ANGPT1: variants seen among roughly 807,000 people sequenced by gnomAD.
ANGPT1 encodes the protein angiopoietin 1, also known as angiopoietin-1.
In ANGPT1, 17 loss-of-function variants were observed where a neutral mutation model predicts 62.2. The observed-to-expected ratio is 0.27, with a 90% CI of 0.19 to 0.41. The LOEUF (loss-of-function observed/expected upper bound fraction) is 0.41. Among genes scored for constraint, ANGPT1 ranks in the 10% least tolerant of loss-of-function variants. The probability of loss-of-function intolerance (pLI) is 1.00; values close to 1 mark genes in which losing one functional copy is unlikely to be tolerated. For synonymous variants in ANGPT1, 199 were observed against 198.9 expected (o/e 1.00, Z 0.00); for missense variants, 478 against 594.9 (o/e 0.80, Z 2.04).
chr8:107,345,686 A>T (rs1479510405), intron 2 of ANGPT1, among the ~76,000 whole-genome samples: 1 of 152,194 alleles, frequency 6.6e-6, no homozygotes, highest in Non-Finnish European at 1.5e-5. Context: ...CATTATTTAT[A>T]CCACAAGAAA....
At chr8:107,270,839 T>C (rs1165824420) in intron 7 of ANGPT1, among the ~76,000 whole-genome samples, 1 of 151,876 alleles carries the variant, frequency 6.6e-6, no homozygotes, top group Non-Finnish European at 1.5e-5. Context: ...AGAAAAGAAA[T>C]GTTTGAAAGA....
At chr8:107,291,905 G>T (rs1454126019) in intron 6 of ANGPT1, among the ~76,000 whole-genome samples, 4 of 104,866 alleles carry the variant, frequency 3.8e-5, no homozygotes, top group Non-Finnish European at 7.8e-5. Flanking sequence ...GGGGGGGGGG[G>T]GCTTGCCACT....
intron 1 of ANGPT1, among the ~76,000 whole-genome samples, chr8:107,385,941 T>G (rs1445806203): frequency 1.3e-5 from 2 of 152,190 alleles, no homozygotes; most frequent in Admixed American, 1.3e-4. Flanking sequence ...ATTATTGATT[T>G]GCATATGTTA....
At chr8:107,486,243 G>A (rs1004358565) in intron 1 of ANGPT1, among the ~76,000 whole-genome samples, 1 of 152,154 alleles carries the variant, frequency 6.6e-6, no homozygotes, top group Non-Finnish European at 1.5e-5. Context: ...CATGGCAAAC[G>A]TTGCTGCAGC....
chr8:107,260,737 C>A (rs890131837), intron 8 of ANGPT1, among the ~76,000 whole-genome samples: 1 of 152,106 alleles, frequency 6.6e-6, no homozygotes, highest in Non-Finnish European at 1.5e-5. Flanking sequence ...AAGGTAATGG[C>A]GTTTATTACA....
intron 1 of ANGPT1, among the ~76,000 whole-genome samples, chr8:107,428,165 T>C (rs1811086066): frequency 1.3e-5 from 2 of 152,216 alleles, no homozygotes; most frequent in Admixed American, 1.3e-4. Context: ...AGAATGTTTC[T>C]TCGCAAGCTA....
chr8:107,400,791 C>T lies in ANGPT1; in HGVS notation c.298-53694G>A, dbSNP rs142321640. On this transcript the variant is annotated intron_variant, in intron 1 of 8. Coordinates refer to ENST00000517746, the MANE Select transcript of ANGPT1 (RefSeq NM_001146.5). ...GTCAGGCTAGTCTCCAACTCCTGAC[C>T]TCAGGTGATCCGTCCACCTCGGCCT... is the stretch of plus-strand genomic sequence containing the variant. Among the ~76,000 whole-genome samples, 506 of 152,166 alleles carry T rather than the reference C, an allele frequency of 3.3e-3. 3 individuals carry two copies. The highest frequency in any genetic ancestry group is 0.011 in the African/African-American group (447 of 41,514).
chr8:107,428,007 T>C (rs1040533833), intron 1 of ANGPT1, among the ~76,000 whole-genome samples: 9 of 152,252 alleles, frequency 5.9e-5, no homozygotes, highest in African/African-American at 2.2e-4. Context: ...GCGTTACAAA[T>C]TGAAGAAGCC....
At chr8:107,460,335 C>A (rs996845096) in intron 1 of ANGPT1, among the ~76,000 whole-genome samples, 2 of 151,980 alleles carry the variant, frequency 1.3e-5, no homozygotes, top group African/African-American at 4.8e-5. Flanking sequence ...TAAGCAGAAG[C>A]TGTATGTATA....
rs1219425224 is a variant in ANGPT1 at position 107,474,690 on chromosome 8, G to A, written c.297+22572C>T. ...GATTGGATATCTAGAAAACCCCATT[G>A]TCTCAGCCCAAAATCTCCTTAAGCT... On this transcript the variant is annotated intron_variant, in intron 1 of 8. Coordinates refer to ENST00000517746, the MANE Select transcript of ANGPT1 (RefSeq NM_001146.5). Among the ~76,000 whole-genome samples, 3 of 152,168 alleles carry A rather than the reference G, an allele frequency of 2.0e-5. No homozygotes were observed. In the South Asian group the frequency reaches 6.2e-4, roughly 31 times the overall value.
chr8:107,383,701 GTTAGACTA>G (rs1234472086), intron 1 of ANGPT1, among the ~76,000 whole-genome samples: 2 of 152,118 alleles, frequency 1.3e-5, no homozygotes, highest in African/African-American at 4.8e-5. Context: ...GGGAGAAACT[GTTAGACTA>G]TCAGGGGAAA....
intron 1 of ANGPT1, among the ~76,000 whole-genome samples, chr8:107,430,860 T>C (rs1157582102): frequency 6.6e-6 from 1 of 152,232 alleles, no homozygotes; most frequent in East Asian, 1.9e-4. Context: ...GAAACAGCAA[T>C]ACAGTCTGTT....
At chr8:107,394,955 A>T (rs1816906996) in intron 1 of ANGPT1, among the ~76,000 whole-genome samples, 1 of 152,128 alleles carries the variant, frequency 6.6e-6, no homozygotes, top group South Asian at 2.1e-4. Flanking sequence ...ATAGTGATCC[A>T]GTTATTTTTT....
intron 1 of ANGPT1, among the ~76,000 whole-genome samples, chr8:107,399,526 A>T (rs2130326315): frequency 6.6e-6 from 1 of 152,254 alleles, no homozygotes; most frequent in African/African-American, 2.4e-5. Context: ...ACCCATTAAA[A>T]ACGCATCATT....
intron 1 of ANGPT1, among the ~76,000 whole-genome samples, chr8:107,379,606 A>C (rs1475121723): frequency 6.6e-6 from 1 of 152,072 alleles, no homozygotes; most frequent in Non-Finnish European, 1.5e-5. Flanking sequence ...AGATATTGAC[A>C]CTAAACCTGT....
intron 3 of ANGPT1, 151 bp from the exon 4 acceptor site, chr8:107,322,279 T>C: frequency 3.2e-6 from 2 of 631,750 alleles, no homozygotes; most frequent in Non-Finnish European, 5.4e-6. Context: ...GAATATGTAT[T>C]CTTCAGAATA....
At chr8:107,278,021 A>G (rs1288284246) in intron 7 of ANGPT1, among the ~76,000 whole-genome samples, 1 of 151,824 alleles carries the variant, frequency 6.6e-6, no homozygotes, top group African/African-American at 2.4e-5. Context: ...ACTCAATAAT[A>G]TATTTCTTGG....
chr8:107,394,810 C>G (rs999416156), intron 1 of ANGPT1, among the ~76,000 whole-genome samples: 1 of 151,866 alleles, frequency 6.6e-6, no homozygotes, highest in Non-Finnish European at 1.5e-5. Flanking sequence ...AATTTTTGTA[C>G]TCATTATTTG....
intron 6 of ANGPT1, among the ~76,000 whole-genome samples, chr8:107,291,046 T>A (rs1291323571): frequency 2.0e-5 from 3 of 152,216 alleles, no homozygotes; most frequent in Non-Finnish European, 4.4e-5. Flanking sequence ...TTAATAATAA[T>A]GTATTTCAGA....
Sources: allele counts gnomAD v4.1 joint callset (sites outside exome capture counted in the v4.1 genomes callset), GRCh38; gene constraint gnomAD v4.1.1; transcripts MANE v1.5; gene names NCBI Gene and HGNC (gene_info 2026-07-23, HGNC 2026-07-21).